The following N4BP2L1 variants were observed in gnomAD, a reference collection of about 807,000 sequenced individuals.
N4BP2L1 encodes the protein NEDD4 binding protein 2 like 1, also known as NEDD4-binding protein 2-like 1.
Under a neutral mutation model 21.2 loss-of-function variants are expected in N4BP2L1, and 12 were observed. The observed-to-expected ratio is 0.57, with a 90% CI of 0.36 to 0.92. N4BP2L1 has a LOEUF of 0.92. Ranked by LOEUF, N4BP2L1 falls within the 40% of genes least tolerant of loss-of-function variation. N4BP2L1 has a pLI of 0.01. For missense variants in N4BP2L1, 259 were observed against 310.6 expected (o/e 0.83, Z 1.25); for synonymous variants, 104 against 112.8 (o/e 0.92, Z 0.49).
At chr13:32,408,849 C>T (rs1593246127) in intron 1 of N4BP2L1, among the ~76,000 whole-genome samples, 1 of 152,174 alleles carries the variant, frequency 6.6e-6, no homozygotes, top group Non-Finnish European at 1.5e-5. Context: ...GATCTTTAAT[C>T]CAGGAAGAAC....
At chr13:32,403,607 T>C in intron 4 of N4BP2L1, 1 of 482,500 alleles carries the variant, frequency 2.1e-6, no homozygotes, top group Non-Finnish European at 4.2e-6. Context: ...AATCTTAAAT[T>C]CTAGTGGGCA....
At chr13:32,417,670 G>A (rs1227969715) in intron 1 of N4BP2L1, among the ~76,000 whole-genome samples, 3 of 152,174 alleles carry the variant, frequency 2.0e-5, no homozygotes, top group African/African-American at 7.2e-5. Flanking sequence ...TGGAACTAAT[G>A]GAAGGGCTCA....
chr13:32,422,392 T>C (rs2074532542), intron 1 of N4BP2L1, among the ~76,000 whole-genome samples: 1 of 152,212 alleles, frequency 6.6e-6, no homozygotes, highest in Non-Finnish European at 1.5e-5. Flanking sequence ...CCTTTGACCC[T>C]GATCAAGATG....
At chr13:32,409,722 T>C (rs1359713978) in intron 1 of N4BP2L1, among the ~76,000 whole-genome samples, 1 of 151,868 alleles carries the variant, frequency 6.6e-6, no homozygotes, top group Non-Finnish European at 1.5e-5. Context: ...CAAGTTTGAC[T>C]TGGTCCCTGA....
intron 3 of N4BP2L1, among the ~76,000 whole-genome samples, chr13:32,404,854 C>T (rs1437163722): frequency 6.6e-6 from 1 of 152,016 alleles, no homozygotes; most frequent in Non-Finnish European, 1.5e-5. Flanking sequence ...ACATACTTCA[C>T]ATCATCTTCC....
chr13:32,406,156 G>A (rs1311556275), intron 3 of N4BP2L1, among the ~76,000 whole-genome samples: 1 of 151,272 alleles, frequency 6.6e-6, no homozygotes, highest in Non-Finnish European at 1.5e-5. Flanking sequence ...TGATCCACCC[G>A]CCTCAGCCTC....
chr13:32,422,447 G>A (rs1386574975), intron 1 of N4BP2L1, among the ~76,000 whole-genome samples: 2 of 152,114 alleles, frequency 1.3e-5, no homozygotes, highest in Non-Finnish European at 2.9e-5. Context: ...GAACTCCAGG[G>A]GAGTTCCTAT....
At chr13:32,419,625 TGCC>T (rs2074364299) in intron 1 of N4BP2L1, among the ~76,000 whole-genome samples, 1 of 152,008 alleles carries the variant, frequency 6.6e-6, no homozygotes, top group South Asian at 2.1e-4. Flanking sequence ...TTCTCCTTCC[TGCC>T]GCCATGTGAA....
rs1325142942 is a variant in N4BP2L1 at position 32,401,414 on chromosome 13, TA to T, written c.*1527del. Reference sequence around the variant, plus strand: ...GGGATTTACTATTGTCAGCCAAACTTACTCAAAGGAGATACCAGTTTTTAAA... The same window carrying T: ...GGGATTTACTATTGTCAGCCAAACTTCTCAAAGGAGATACCAGTTTTTAAA... On this transcript the variant is annotated 3_prime_UTR_variant, in exon 5 of 5. Coordinates refer to ENST00000380130, the MANE Select transcript of N4BP2L1 (RefSeq NM_052818.3). 6.6e-6 allele frequency: 1 copy of T among 152,230 alleles called. No homozygotes were observed. Among genetic ancestry groups the T allele is most frequent in the African/African-American group, 2.4e-5 (1 of 41,456 alleles). The allele number at this position is 152,230 out of a possible 1,614,324, so 9.4% of individuals were successfully genotyped here.
chr13:32,422,573 A>T (rs370022344), intron 1 of N4BP2L1, among the ~76,000 whole-genome samples: 16 of 152,316 alleles, frequency 1.1e-4, no homozygotes, highest in African/African-American at 3.6e-4. Flanking sequence ...GCCCCAGTTC[A>T]GCAGGGTCTT....
At chr13:32,411,323 GATTTT>G (rs1453497366) in intron 1 of N4BP2L1, among the ~76,000 whole-genome samples, 1 of 81,008 alleles carries the variant, frequency 1.2e-5, no homozygotes, top group African/African-American at 4.5e-5. Context: ...TAAGGCCAAG[GATTTT>G]TTTTTTTTTT....
intron 1 of N4BP2L1, among the ~76,000 whole-genome samples, chr13:32,423,924 G>A (rs994731087): frequency 2.0e-5 from 3 of 152,164 alleles, no homozygotes; most frequent in African/African-American, 7.2e-5. Flanking sequence ...ATATAAAAAT[G>A]GTTTAAATGG....
chr13:32,404,291 T>C (rs11841349), intron 4 of N4BP2L1, 30 bp downstream of exon 4: 2 of 1,598,454 alleles, frequency 1.3e-6, no homozygotes, highest in African/African-American at 2.7e-5. Context: ...GCAGGATACA[T>C]AATGAGGAAC....
chr13:32,427,978 A>G lies in N4BP2L1; in HGVS notation c.105T>C (p.Pro35=), dbSNP rs2074889395. 6.4e-7 allele frequency: 1 copy of G among 1,552,738 alleles called. No individual in the cohort carries two copies. The highest frequency in any genetic ancestry group is 8.7e-7 in the Non-Finnish European group (1 of 1,150,860). ...GGTGTTTCCTAAAGCTGTGGCGGCG[A>G]GGAGGTGTCCCCCGCGGGGGCGGCC... ...PPRPPPRGTP[P]RRHSFRKHLY... Residue 35 remains proline, a synonymous_variant, in exon 1 of 5, where the codon CCT becomes CCC. Coordinates refer to ENST00000380130, the MANE Select transcript of N4BP2L1 (RefSeq NM_052818.3).
intron 1 of N4BP2L1, among the ~76,000 whole-genome samples, chr13:32,408,984 T>G (rs551456826): frequency 6.6e-6 from 1 of 152,274 alleles, no homozygotes; most frequent in East Asian, 1.9e-4. Flanking sequence ...AAACAGAGCT[T>G]CTAATCAGAC....
intron 1 of N4BP2L1, chr13:32,425,677 T>C (rs2074722529): frequency 6.6e-6 from 1 of 152,178 alleles, no homozygotes; most frequent in Admixed American, 6.5e-5. Context: ...AACTAGTGAA[T>C]GGTAGAGCTT....
chr13:32,406,299 G>GA, intron 3 of N4BP2L1, among the ~76,000 whole-genome samples: 1 of 152,100 alleles, frequency 6.6e-6, no homozygotes, highest in South Asian at 2.1e-4. Context: ...GAATATGTAT[G>GA]AAAAAAGACC....
At chr13:32,426,079 G>A (rs1001133943) in intron 1 of N4BP2L1, 1 of 152,126 alleles carries the variant, frequency 6.6e-6, no homozygotes, top group East Asian at 1.9e-4. Flanking sequence ...GGACCCTAAG[G>A]ACCACTCAGG....
At chr13:32,423,392 T>C (rs1385412007) in intron 1 of N4BP2L1, among the ~76,000 whole-genome samples, 1 of 152,202 alleles carries the variant, frequency 6.6e-6, no homozygotes. Context: ...GGATGCAACA[T>C]GTACTACAGG....
Sources: gnomAD v4.1 joint callset for allele counts (sites outside exome capture counted in the v4.1 genomes callset) on GRCh38, gnomAD v4.1.1 for gene constraint, MANE v1.5 for transcripts, NCBI Gene and HGNC (gene_info 2026-07-23, HGNC 2026-07-21) for gene names.